PCBP3: variants seen among roughly 807,000 people sequenced by gnomAD.
PCBP3 encodes the protein poly(rC)-binding protein 3.
Under a neutral mutation model 52.7 loss-of-function variants are expected in PCBP3, and 25 were observed. The ratio of observed to expected loss-of-function variants is 0.47; its 90% CI spans 0.35 to 0.66. The LOEUF is 0.66. Among genes scored for constraint, PCBP3 ranks in the 30% least tolerant of loss-of-function variants. The pLI is 0.01. For missense variants in PCBP3, 391 were observed against 490.3 expected, an observed-to-expected ratio of 0.80 and a Z score of 1.91; for synonymous variants, 162 against 183.0, an observed-to-expected ratio of 0.89 and a Z score of 0.93.
intron 5 of PCBP3, among the ~76,000 whole-genome samples, chr21:45,854,926 G>T (rs113986713): frequency 6.6e-6 from 1 of 152,164 alleles, no homozygotes; most frequent in Admixed American, 6.5e-5. Context: ...GGAAACTTAC[G>T]ATCTCTCCTG....
At chr21:45,819,222 T>C (rs190162906) in intron 4 of PCBP3, among the ~76,000 whole-genome samples, 103 of 151,784 alleles carry the variant, frequency 6.8e-4, no homozygotes, top group Non-Finnish European at 1.1e-3. Flanking sequence ...TGGCGGGCTG[T>C]GGGGGATGGG....
chr21:45,720,751 A>G (rs1244520282), intron 2 of PCBP3, among the ~76,000 whole-genome samples: 1 of 152,218 alleles, frequency 6.6e-6, no homozygotes, highest in Admixed American at 6.5e-5. Context: ...TCTGGTGCAG[A>G]TAACGTCCAG....
At chr21:45,740,389 T>C (rs2086338490) in intron 3 of PCBP3, among the ~76,000 whole-genome samples, 1 of 152,194 alleles carries the variant, frequency 6.6e-6, no homozygotes, top group South Asian at 2.1e-4. Flanking sequence ...ATTCCCTTGA[T>C]CCTTGATTTT....
At chr21:45,785,218 C>T (rs1305027875) in intron 4 of PCBP3, among the ~76,000 whole-genome samples, 7 of 149,270 alleles carry the variant, frequency 4.7e-5, no homozygotes, top group South Asian at 2.2e-4. Flanking sequence ...GGAGCCCCTC[C>T]GCCCGGCAGC....
rs371045522 is a variant in PCBP3 at position 45,910,952 on chromosome 21, G to A, written c.522G>A (p.Thr174=). ...QVAGDMLPNS[T]ERAVTISGTP... ...CTGGGGACATGCTGCCCAACTCCAC[G>A]GAGCGAGCGGTGACCATCTCGGGGA... Residue 174 remains threonine (T), a synonymous_variant, in exon 11 of 18, where the codon ACG becomes ACA. Coordinates refer to ENST00000681687, the MANE Select transcript of PCBP3 (RefSeq NM_001384156.1). 1.8e-4 allele frequency: 284 copies of A among 1,611,976 alleles called. No individual in the cohort carries two copies. In the South Asian group the frequency reaches 2.1e-3, roughly 12 times the overall value.
chr21:45,687,678 A>G (rs898909941), intron 2 of PCBP3, among the ~76,000 whole-genome samples: 4 of 152,162 alleles, frequency 2.6e-5, no homozygotes, highest in African/African-American at 4.8e-5. Context: ...TTAGAAGAAA[A>G]AGGATGAAAA....
chr21:45,839,857 T>C (rs1453705305), intron 4 of PCBP3, among the ~76,000 whole-genome samples: 1 of 151,980 alleles, frequency 6.6e-6, no homozygotes, highest in Non-Finnish European at 1.5e-5. Flanking sequence ...TGGCTAATTT[T>C]TGTACTTTCA....
intron 9 of PCBP3, chr21:45,901,448 C>T (rs1488429132): frequency 6.6e-6 from 2 of 303,516 alleles, no homozygotes; most frequent in East Asian, 1.5e-4. Context: ...CCTGGCTGAC[C>T]CTTGGGCCAC....
intron 9 of PCBP3, among the ~76,000 whole-genome samples, chr21:45,903,441 C>T (rs867340070): frequency 6.6e-6 from 1 of 151,982 alleles, no homozygotes; most frequent in Non-Finnish European, 1.5e-5. Context: ...AGCAGAAAGA[C>T]CATCAGCTGT....
chr21:45,741,302 C>T lies in PCBP3; in HGVS notation c.-162+5873C>T, dbSNP rs1834092950. Among the ~76,000 whole-genome samples, 1 of 152,130 alleles carries T rather than the reference C, an allele frequency of 6.6e-6. No homozygotes were observed. Among genetic ancestry groups the T allele is most frequent in the Non-Finnish European group, 1.5e-5 (1 of 68,030 alleles). On this transcript the variant is annotated intron_variant, in intron 3 of 17. Transcript: ENST00000681687. The surrounding 1 kb of genome is among the most constrained non-coding windows in gnomAD (Gnocchi z 4.5). ...CACCAAAGAAAGCAGTGGGGAGGCCCTTATTCACTGTGAGAAGCAGAAACA... is the reference window on the plus strand; with the variant it reads ...CACCAAAGAAAGCAGTGGGGAGGCCTTTATTCACTGTGAGAAGCAGAAACA...
intron 12 of PCBP3, chr21:45,914,902 C>G (rs2073125471): frequency 6.6e-6 from 1 of 152,274 alleles, no homozygotes; most frequent in Non-Finnish European, 1.5e-5. Flanking sequence ...TGAGGTTTGA[C>G]TTTACCATCA....
intron 5 of PCBP3, among the ~76,000 whole-genome samples, chr21:45,883,121 T>G (rs2095440539): frequency 6.6e-6 from 1 of 152,236 alleles, no homozygotes. Context: ...GTCAATGTGT[T>G]TTTTGATGTT....
chr21:45,734,713 T>A (rs2085726213), intron 2 of PCBP3, among the ~76,000 whole-genome samples: 1 of 152,180 alleles, frequency 6.6e-6, no homozygotes. Flanking sequence ...TCTCTGGGGA[T>A]CGTTGTCCTG....
At chr21:45,753,892 A>G (rs918718170) in intron 3 of PCBP3, among the ~76,000 whole-genome samples, 2 of 152,080 alleles carry the variant, frequency 1.3e-5, no homozygotes, top group African/African-American at 2.4e-5. Context: ...CCATCATTTT[A>G]TACACTGGTG....
chr21:45,647,773 G>T (rs567197455), intron 1 of PCBP3, among the ~76,000 whole-genome samples: 5 of 152,124 alleles, frequency 3.3e-5, no homozygotes, highest in Admixed American at 1.3e-4. Flanking sequence ...TGCATGGTAG[G>T]TAGAATAATG....
intron 4 of PCBP3, among the ~76,000 whole-genome samples, chr21:45,816,660 C>T (rs1358710377): frequency 2.0e-5 from 3 of 150,568 alleles, no homozygotes; most frequent in African/African-American, 2.5e-5. Flanking sequence ...CAGTAACAGG[C>T]GTGGAGCTGT....
intron 11 of PCBP3, among the ~76,000 whole-genome samples, chr21:45,913,537 C>T (rs889340204): frequency 1.3e-5 from 2 of 152,172 alleles, no homozygotes; most frequent in Admixed American, 6.5e-5. Flanking sequence ...GGGCCAGCAC[C>T]GCAGGGGGCC....
At chr21:45,844,625 C>T (rs1253061059) in intron 4 of PCBP3, among the ~76,000 whole-genome samples, 2 of 152,038 alleles carry the variant, frequency 1.3e-5, no homozygotes, top group African/African-American at 4.8e-5. Flanking sequence ...CATGGTTCCA[C>T]GCGCACCACA....
At chr21:45,807,755 A>G (rs1042450823) in intron 4 of PCBP3, among the ~76,000 whole-genome samples, 2 of 150,812 alleles carry the variant, frequency 1.3e-5, no homozygotes, top group Admixed American at 1.3e-4. Flanking sequence ...AAACAAAAAC[A>G]AAACAAAAAA....
Sources: gnomAD v4.1 joint callset for allele counts (sites outside exome capture counted in the v4.1 genomes callset) on GRCh38, gnomAD v4.1.1 for gene constraint, Gnocchi (gnomAD v3.1) non-coding constraint, MANE v1.5 for transcripts, NCBI Gene and HGNC (gene_info 2026-07-23, HGNC 2026-07-21) for gene names.